The following TMC5 variants were observed in gnomAD, a reference collection of about 807,000 sequenced individuals.
The protein encoded by TMC5 is transmembrane channel like 5.
TMC5 carries 86 observed loss-of-function variants against 110.5 expected under a neutral mutation model. The ratio of observed to expected loss-of-function variants is 0.78; its 90% CI spans 0.65 to 0.93. The LOEUF is 0.93. Among genes scored for constraint, TMC5 ranks in the 40% least tolerant of loss-of-function variants. The pLI is 0.00. For synonymous variants in TMC5, 455 were observed against 439.5 expected (o/e 1.04, Z -0.44); for missense variants, 1,144 against 1,222.8 (o/e 0.94, Z 0.96).
intron 6 of TMC5, among the ~76,000 whole-genome samples, chr16:19,461,157 T>C (rs1402192724): frequency 1.3e-5 from 2 of 152,224 alleles, no homozygotes; most frequent in African/African-American, 4.8e-5. Context: ...TTAGTTTTGA[T>C]AAACCTACCA....
intron 2 of TMC5, among the ~76,000 whole-genome samples, chr16:19,434,497 G>T (rs202221184): frequency 0.078 from 9,644 of 124,400 alleles, 698 homozygotes; most frequent in African/African-American, 0.1. Context: ...GATAGATATA[G>T]AGAGAGAGAG....
Position 19,420,260 on chromosome 16 carries a change from A to G in TMC5, c.-308+2168A>G, listed in dbSNP as rs556305995. 1.1e-4 allele frequency among the ~76,000 whole-genome samples: 17 copies of G among 152,016 alleles called. No homozygotes were observed. In the South Asian group the frequency reaches 3.3e-3, roughly 30 times the overall value. Reference sequence around the variant, plus strand: ...GCCAACATGGTGAAACCCTGTCTCTACTAAAACACAAAAAAAAATTAGCCA... The same window carrying G: ...GCCAACATGGTGAAACCCTGTCTCTGCTAAAACACAAAAAAAAATTAGCCA... On this transcript the variant is annotated intron_variant, in intron 1 of 21. Coordinates refer to ENST00000542583, the MANE Select transcript of TMC5 (RefSeq NM_001261841.2).
chr16:19,430,889 T>C (rs999652048), intron 2 of TMC5, among the ~76,000 whole-genome samples: 4 of 143,254 alleles, frequency 2.8e-5, no homozygotes, highest in African/African-American at 7.7e-5. Flanking sequence ...AGACTGAATC[T>C]CGCTCTGTCG....
intron 2 of TMC5, among the ~76,000 whole-genome samples, chr16:19,438,513 G>A (rs563608840): frequency 6.1e-5 from 9 of 148,452 alleles, no homozygotes; most frequent in South Asian, 2.2e-4. Context: ...TTGGGAGGCC[G>A]AGACGGGTGG....
chr16:19,486,762 AG>A (rs1348095148), intron 15 of TMC5, among the ~76,000 whole-genome samples, 182 bp from the exon 16 acceptor site: 1 of 152,066 alleles, frequency 6.6e-6, no homozygotes, highest in East Asian at 1.9e-4. Context: ...CACCTCTCAA[AG>A]GCCCTGTCTC....
chr16:19,489,636 C>G (rs1212937287), intron 17 of TMC5, among the ~76,000 whole-genome samples: 1 of 141,288 alleles, frequency 7.1e-6, no homozygotes, highest in South Asian at 2.4e-4. Flanking sequence ...GCCTGGCATG[C>G]CTGGCTAATT....
rs34853313 is a variant in TMC5 at position 19,459,917 on chromosome 16, C to CAAAAA, written c.1049-301_1049-297dup. Among the ~76,000 whole-genome samples, 261 of 95,432 alleles carry CAAAAA rather than the reference C, an allele frequency of 2.7e-3. 4 individuals carry two copies. Among genetic ancestry groups the CAAAAA allele is most frequent in the African/African-American group, 7.1e-3 (166 of 23,508 alleles). The allele number at this position is 95,432 out of a possible 152,430, so 62.6% of individuals were successfully genotyped here. On this transcript the variant is annotated intron_variant, in intron 5 of 21. Coordinates refer to ENST00000542583, the MANE Select transcript of TMC5 (RefSeq NM_001261841.2). ...TGGGTGACACAGCAAGATCCTGTCT[C>CAAAAA]AAAAAAAAAAAAAAAAAAAAATAGA...
chr16:19,444,478 C>A (rs1967568554), intron 4 of TMC5, among the ~76,000 whole-genome samples: 2 of 152,030 alleles, frequency 1.3e-5, no homozygotes, highest in African/African-American at 2.4e-5. Flanking sequence ...AAAATGGGGA[C>A]CTGTGCACTC....
At chr16:19,451,379 T>C (rs927684550) in intron 5 of TMC5, among the ~76,000 whole-genome samples, 1 of 152,126 alleles carries the variant, frequency 6.6e-6, no homozygotes, top group Admixed American at 6.5e-5. Flanking sequence ...ATATTGCTAC[T>C]TGGAAGGGAA....
intron 15 of TMC5, among the ~76,000 whole-genome samples, chr16:19,485,777 T>G (rs1393218172): frequency 6.6e-6 from 1 of 152,246 alleles, no homozygotes; most frequent in Non-Finnish European, 1.5e-5. Flanking sequence ...TCCTTTCTTG[T>G]TAAAAAATGG....
intron 11 of TMC5, 62 bp from the exon 12 acceptor site, chr16:19,474,063 G>C: frequency 6.6e-7 from 1 of 1,508,842 alleles, no homozygotes; most frequent in Non-Finnish European, 8.9e-7. Context: ...AGACTTTTGA[G>C]TGAAGCAGAA....
chr16:19,418,727 G>GTT (rs57232416), intron 1 of TMC5, among the ~76,000 whole-genome samples: 15 of 119,108 alleles, frequency 1.3e-4, no homozygotes, highest in East Asian at 1.2e-3. Flanking sequence ...TGATTTTTGT[G>GTT]TTTTTTTTTT....
chr16:19,425,183 A>G (rs1426214375), intron 1 of TMC5, among the ~76,000 whole-genome samples: 1 of 152,214 alleles, frequency 6.6e-6, no homozygotes, highest in Non-Finnish European at 1.5e-5. Flanking sequence ...TATCACAAGT[A>G]GATTATAAAA....
chr16:19,457,138 C>T (rs536176529), intron 5 of TMC5: 1 of 816,872 alleles, frequency 1.2e-6, no homozygotes, highest in East Asian at 2.7e-5. Context: ...ACCTATAATC[C>T]TACGGCTTTG....
chr16:19,427,228 C>G (rs1007119277), intron 1 of TMC5, among the ~76,000 whole-genome samples: 1 of 152,104 alleles, frequency 6.6e-6, no homozygotes, highest in Admixed American at 6.5e-5. Context: ...CCAAGGCCAG[C>G]GGATCACTTG....
intron 5 of TMC5, among the ~76,000 whole-genome samples, chr16:19,452,263 G>A (rs894699341): frequency 6.6e-6 from 1 of 152,192 alleles, no homozygotes; most frequent in African/African-American, 2.4e-5. Context: ...ATTAGGTGAG[G>A]TATAGGGGAA....
chr16:19,437,516 C>CTG (rs142325496), intron 2 of TMC5, among the ~76,000 whole-genome samples: 198 of 152,326 alleles, frequency 1.3e-3, no homozygotes, highest in African/African-American at 4.6e-3. Flanking sequence ...CATTCTGAGA[C>CTG]TGTAGGTGTT....
At chr16:19,496,686 A>C (rs1969060409) in intron 20 of TMC5, among the ~76,000 whole-genome samples, 1 of 151,956 alleles carries the variant, frequency 6.6e-6, no homozygotes, top group South Asian at 2.1e-4. Context: ...GGAGTTTGAG[A>C]CCGGCCTGAC....
At chr16:19,462,434 A>G (rs1597191894) in intron 6 of TMC5, 6 of 689,252 alleles carry the variant, frequency 8.7e-6, no homozygotes, top group East Asian at 2.7e-5. Flanking sequence ...CACTCTGCTA[A>G]TAAAGACATA....
Sources: allele counts gnomAD v4.1 joint callset (sites outside exome capture counted in the v4.1 genomes callset), GRCh38; gene constraint gnomAD v4.1.1; transcripts MANE v1.5; gene names NCBI Gene and HGNC (gene_info 2026-07-23, HGNC 2026-07-21).